CNTN5: variants seen among roughly 807,000 people sequenced by gnomAD.
CNTN5 encodes contactin-5.
In CNTN5, 77 loss-of-function variants were observed where a neutral mutation model predicts 129.1. That is an observed-to-expected ratio of 0.60 (90% confidence interval 0.50 to 0.72). CNTN5 has a LOEUF of 0.72. Ranked by LOEUF, CNTN5 falls within the 30% of genes least tolerant of loss-of-function variation. CNTN5 has a pLI of 0.00. For missense variants in CNTN5, 1,478 were observed against 1,328.8 expected, an observed-to-expected ratio of 1.11 and a Z score of -1.75; for synonymous variants, 509 against 465.6, an observed-to-expected ratio of 1.09 and a Z score of -1.20.
At chr11:100,280,039 A>G (rs1240862334) in intron 18 of CNTN5, among the ~76,000 whole-genome samples, 2 of 150,536 alleles carry the variant, frequency 1.3e-5, no homozygotes, top group East Asian at 2.0e-4. Context: ...AAATTTTTCA[A>G]TTCCCTTCTT....
At chr11:99,839,422 TA>T (rs1002913147) in intron 4 of CNTN5, among the ~76,000 whole-genome samples, 21 of 152,134 alleles carry the variant, frequency 1.4e-4, no homozygotes, top group African/African-American at 3.6e-4. Context: ...TATATATATA[TA>T]TTTTTTTCAA....
At chr11:99,878,976 G>A (rs767875488) in intron 6 of CNTN5, among the ~76,000 whole-genome samples, 1 of 151,936 alleles carries the variant, frequency 6.6e-6, no homozygotes, top group Non-Finnish European at 1.5e-5. Context: ...TCTGTCGCTC[G>A]CGCTGGAGTA....
At chr11:99,959,013 C>A (rs1266278664) in intron 8 of CNTN5, among the ~76,000 whole-genome samples, 1 of 152,098 alleles carries the variant, frequency 6.6e-6, no homozygotes, top group Non-Finnish European at 1.5e-5. Context: ...CCAGATATAT[C>A]ACTTATCTTT....
At chr11:99,596,480 T>C (rs575047835) in intron 3 of CNTN5, among the ~76,000 whole-genome samples, 1 of 152,294 alleles carries the variant, frequency 6.6e-6, no homozygotes, top group East Asian at 1.9e-4. Context: ...AATCAGCATT[T>C]TGTAAACATC....
chr11:99,493,629 CAT>C (rs1316078984), intron 2 of CNTN5, among the ~76,000 whole-genome samples: 2 of 152,090 alleles, frequency 1.3e-5, no homozygotes, highest in Admixed American at 1.3e-4. Context: ...AAAACAAATA[CAT>C]ATATAATATG....
At chr11:99,567,700 A>C (rs1949051270) in intron 3 of CNTN5, among the ~76,000 whole-genome samples, 1 of 152,230 alleles carries the variant, frequency 6.6e-6, no homozygotes, top group African/African-American at 2.4e-5. Flanking sequence ...TGATCAAATT[A>C]AAATTATGTA....
chr11:99,863,918 A>G lies in CNTN5; in HGVS notation c.577+18656A>G, dbSNP rs556694971. ...ACAGTAATAAGTCAAGGGGGTATGA[A>G]GGTACACAGAGTGAATCTTGGGCAG... On this transcript the variant is annotated intron_variant, in intron 6 of 24. Transcript: ENST00000524871. Among the ~76,000 whole-genome samples, 5 of 152,282 alleles carry G rather than the reference A, an allele frequency of 3.3e-5. No homozygotes were observed. The East Asian group carries it at 9.7e-4, about 29-fold the overall frequency.
At chr11:99,362,464 C>T (rs913977715) in intron 2 of CNTN5, among the ~76,000 whole-genome samples, 9 of 151,986 alleles carry the variant, frequency 5.9e-5, no homozygotes, top group Non-Finnish European at 1.2e-4. Flanking sequence ...TCCTTTGATG[C>T]ACAGAAGTTT....
intron 1 of CNTN5, among the ~76,000 whole-genome samples, chr11:99,039,346 A>C (rs1374348779): frequency 6.6e-6 from 1 of 152,122 alleles, no homozygotes; most frequent in African/African-American, 2.4e-5. Context: ...TTGAGATGCC[A>C]TTCTTCAGAC....
At chr11:100,107,506 T>G (rs963221662) in intron 13 of CNTN5, among the ~76,000 whole-genome samples, 4 of 148,926 alleles carry the variant, frequency 2.7e-5, no homozygotes, top group African/African-American at 1.0e-4. Context: ...TTTTTTTTTT[T>G]GAAGTCTAAA....
chr11:99,613,617 G>A (rs1950662997), intron 3 of CNTN5, among the ~76,000 whole-genome samples: 1 of 152,070 alleles, frequency 6.6e-6, no homozygotes, highest in Admixed American at 6.6e-5. Flanking sequence ...ATAATATGCA[G>A]CAAAAAGATT....
At chr11:100,016,145 C>T (rs1478467145) in intron 9 of CNTN5, among the ~76,000 whole-genome samples, 1 of 151,936 alleles carries the variant, frequency 6.6e-6, no homozygotes, top group African/African-American at 2.4e-5. Context: ...TAATCAGAGA[C>T]AAAAGTCTAT....
intron 2 of CNTN5, among the ~76,000 whole-genome samples, chr11:99,412,935 A>G (rs184481677): frequency 2.0e-5 from 3 of 152,336 alleles, no homozygotes; most frequent in East Asian, 3.9e-4. Context: ...TTATTACCAG[A>G]GTACATCACC....
intron 2 of CNTN5, among the ~76,000 whole-genome samples, chr11:99,331,152 G>GT (rs1865984114): frequency 6.6e-6 from 1 of 152,082 alleles, no homozygotes; most frequent in African/African-American, 2.4e-5. Flanking sequence ...TTAAGACAGT[G>GT]TGTTTTGGGG....
chr11:99,747,459 C>CG (rs1944090208), intron 3 of CNTN5, among the ~76,000 whole-genome samples: 1 of 117,022 alleles, frequency 8.5e-6, no homozygotes, highest in African/African-American at 3.2e-5. Context: ...AAGTCAGCAT[C>CG]CTTTTTTTTT....
chr11:100,035,106 T>G (rs1479750631), intron 9 of CNTN5, among the ~76,000 whole-genome samples: 1 of 152,156 alleles, frequency 6.6e-6, no homozygotes. Flanking sequence ...TACCTCCTAA[T>G]GCTATCCCTC....
chr11:99,807,194 T>A (rs192234014), intron 3 of CNTN5, among the ~76,000 whole-genome samples: 3 of 152,248 alleles, frequency 2.0e-5, no homozygotes, highest in Non-Finnish European at 4.4e-5. Context: ...AATAAAATGG[T>A]ATGCAAAATA....
At position 99,828,341 on chromosome 11, in the gene CNTN5, A is replaced by G. The variant is rs1947033799; in HGVS notation, c.277+8576A>G. On this transcript the variant is annotated intron_variant, in intron 4 of 24. Coordinates refer to ENST00000524871, the MANE Select transcript of CNTN5 (RefSeq NM_014361.4). ...AGGCTGGGTAATTTAAAATGAACAG[A>G]AATGTGTTGGCTCACAATTCTGGAG... 2.0e-5 allele frequency among the ~76,000 whole-genome samples: 3 copies of G among 152,310 alleles called. No homozygotes were observed. The South Asian group carries it at 6.2e-4, about 32-fold the overall frequency.
chr11:99,092,412 C>A (rs1415970823), intron 1 of CNTN5, among the ~76,000 whole-genome samples: 3 of 151,884 alleles, frequency 2.0e-5, no homozygotes, highest in African/African-American at 7.2e-5. Context: ...TTTTATGGAA[C>A]AAAGACTTAC....
Sources: gnomAD v4.1 joint callset for allele counts (sites outside exome capture counted in the v4.1 genomes callset) on GRCh38, gnomAD v4.1.1 for gene constraint, MANE v1.5 for transcripts, NCBI Gene and HGNC (gene_info 2026-07-23, HGNC 2026-07-21) for gene names.